LRRTM4: variants seen among roughly 807,000 people sequenced by gnomAD.
The protein encoded by LRRTM4 is leucine rich repeat transmembrane neuronal 4.
A neutral mutation model predicts 47.6 loss-of-function variants in LRRTM4; 25 were observed. That is an observed-to-expected ratio of 0.53 (90% confidence interval 0.38 to 0.73). The LOEUF (loss-of-function observed/expected upper bound fraction) is 0.73, where lower values mean the gene tolerates loss of function less well. LRRTM4 is among the 30% of genes least tolerant of loss of function. The pLI, the probability that LRRTM4 is intolerant of heterozygous loss-of-function variation, is 0.00. For synonymous variants in LRRTM4, 311 were observed against 269.5 expected (o/e 1.15, Z -1.51); for missense variants, 638 against 713.4 (o/e 0.89, Z 1.20).
chr2:77,490,531 A>C (rs931629653), intron 3 of LRRTM4, among the ~76,000 whole-genome samples: 1 of 152,222 alleles, frequency 6.6e-6, no homozygotes, highest in Non-Finnish European at 1.5e-5. Flanking sequence ...GCAATCCACA[A>C]AAGAAAAATC....
chr2:77,510,734 T>C (rs1678951757), intron 3 of LRRTM4, among the ~76,000 whole-genome samples: 1 of 152,008 alleles, frequency 6.6e-6, no homozygotes, highest in Non-Finnish European at 1.5e-5. Flanking sequence ...AACTCATCCA[T>C]GTTTATCTTA....
intron 3 of LRRTM4, among the ~76,000 whole-genome samples, chr2:77,068,982 A>T (rs775798336): frequency 3.3e-5 from 5 of 152,174 alleles, no homozygotes; most frequent in Non-Finnish European, 7.3e-5. Context: ...GCAGATATCT[A>T]GCCAGACCCA....
chr2:77,191,836 T>A (rs1446494398), intron 3 of LRRTM4, among the ~76,000 whole-genome samples: 4 of 152,070 alleles, frequency 2.6e-5, no homozygotes, highest in Non-Finnish European at 5.9e-5. Flanking sequence ...AAACCTAACT[T>A]AGGTAAACAT....
intron 3 of LRRTM4, among the ~76,000 whole-genome samples, chr2:76,991,843 T>C (rs1231197976): frequency 6.6e-6 from 1 of 151,384 alleles, no homozygotes; most frequent in Non-Finnish European, 1.5e-5. Context: ...AAAAGAAAAC[T>C]CAAAGCCAAT....
chr2:77,187,314 T>G (rs1043262987), intron 3 of LRRTM4, among the ~76,000 whole-genome samples: 11 of 152,108 alleles, frequency 7.2e-5, no homozygotes, highest in African/African-American at 2.7e-4. Flanking sequence ...CCTTATTCTG[T>G]GCCCTCACTG....
At chr2:77,346,432 G>A (rs541989823) in intron 3 of LRRTM4, among the ~76,000 whole-genome samples, 5 of 152,120 alleles carry the variant, frequency 3.3e-5, no homozygotes, top group Middle Eastern at 6.8e-3. Context: ...AAACAATGAC[G>A]GATAGAAATG....
intron 3 of LRRTM4, among the ~76,000 whole-genome samples, chr2:77,228,743 G>C (rs1674883395): frequency 1.3e-5 from 2 of 152,188 alleles, no homozygotes; most frequent in South Asian, 4.1e-4. Context: ...GTTCATATCA[G>C]GAGAAGAGCT....
chr2:76,953,005 G>T (rs1675547470), intron 3 of LRRTM4, among the ~76,000 whole-genome samples: 1 of 151,732 alleles, frequency 6.6e-6, no homozygotes, highest in Non-Finnish European at 1.5e-5. Flanking sequence ...AAATATGGGA[G>T]CAATAGACAT....
intron 3 of LRRTM4, among the ~76,000 whole-genome samples, chr2:77,098,994 G>C (rs1231365941): frequency 1.3e-5 from 2 of 151,902 alleles, no homozygotes; most frequent in African/African-American, 4.8e-5. Context: ...TGGGGAGTAA[G>C]TGGAACCATG....
At chr2:76,946,871 G>T (rs756280842) in intron 3 of LRRTM4, among the ~76,000 whole-genome samples, 4 of 151,680 alleles carry the variant, frequency 2.6e-5, no homozygotes, top group African/African-American at 4.8e-5. Context: ...TTATTTATGC[G>T]CCATTATTTG....
intron 3 of LRRTM4, among the ~76,000 whole-genome samples, chr2:77,004,738 C>G (rs574377100): frequency 1.3e-5 from 2 of 152,258 alleles, no homozygotes; most frequent in South Asian, 4.1e-4. Context: ...ACACTCACTG[C>G]CAGCACATGA....
At chr2:77,200,392 A>G (rs1014272755) in intron 3 of LRRTM4, among the ~76,000 whole-genome samples, 4 of 152,142 alleles carry the variant, frequency 2.6e-5, no homozygotes, top group African/African-American at 7.2e-5. Flanking sequence ...ATACATTTAT[A>G]TATGTGTGCA....
intron 3 of LRRTM4, among the ~76,000 whole-genome samples, chr2:76,832,700 G>C (rs1191365765): frequency 6.6e-6 from 1 of 151,950 alleles, no homozygotes; most frequent in East Asian, 1.9e-4. Context: ...GTTAACCATA[G>C]CTTGTGGGTC....
At chr2:77,246,614 T>C (rs1675453550) in intron 3 of LRRTM4, among the ~76,000 whole-genome samples, 2 of 152,146 alleles carry the variant, frequency 1.3e-5, no homozygotes, top group South Asian at 4.1e-4. Context: ...AATTCTATTC[T>C]AGAAAACTTC....
intron 3 of LRRTM4, among the ~76,000 whole-genome samples, chr2:77,097,223 A>G (rs548924677): frequency 6.6e-6 from 1 of 152,082 alleles, no homozygotes; most frequent in Non-Finnish European, 1.5e-5. Flanking sequence ...TGATACTGGC[A>G]TAATATTCAA....
intron 3 of LRRTM4, among the ~76,000 whole-genome samples, chr2:76,988,317 G>T (rs898059944): frequency 6.6e-6 from 1 of 151,800 alleles, no homozygotes; most frequent in Non-Finnish European, 1.5e-5. Flanking sequence ...TTACATGTCC[G>T]TGGTAGGCCA....
In LRRTM4 at chr2:77,072,319, A is replaced by T. The variant is rs140355028; in HGVS notation, c.1552-323403T>A. The stretch of plus-strand genomic sequence containing the variant: ...TGGGCTTTAGCTGAATATCTGCCTG[A>T]CTCATGTCAGCATACTTATAAACTT... On this transcript the variant is annotated intron_variant, in intron 3 of 3. Transcript: ENST00000409884. Among the ~76,000 whole-genome samples, 81 of 152,234 alleles carry T rather than the reference A, an allele frequency of 5.3e-4. 1 individual carries two copies. Among genetic ancestry groups the T allele is most frequent in the African/African-American group, 1.7e-3 (69 of 41,544 alleles).
intron 3 of LRRTM4, among the ~76,000 whole-genome samples, chr2:77,302,964 C>T (rs934735285): frequency 1.3e-5 from 2 of 151,888 alleles, no homozygotes; most frequent in African/African-American, 4.8e-5. Flanking sequence ...GGTGGAAGCT[C>T]CTGGAAACAG....
intron 3 of LRRTM4, among the ~76,000 whole-genome samples, chr2:76,955,633 G>C (rs1264103872): frequency 6.6e-6 from 1 of 151,714 alleles, no homozygotes. Context: ...GCTATGTAGA[G>C]GTGGGGCCTT....
Sources: allele counts gnomAD v4.1 joint callset (sites outside exome capture counted in the v4.1 genomes callset), GRCh38; gene constraint gnomAD v4.1.1; transcripts MANE v1.5; gene names NCBI Gene and HGNC (gene_info 2026-07-23, HGNC 2026-07-21).